The following ANO3 variants were observed in gnomAD, a reference collection of about 807,000 sequenced individuals.
ANO3 encodes anoctamin 3.
Under a neutral mutation model 144.8 loss-of-function variants are expected in ANO3, and 99 were observed. The observed-to-expected ratio is 0.68, with a 90% CI of 0.58 to 0.81. ANO3 has a LOEUF of 0.81. Ranked by LOEUF, ANO3 falls within the 30% of genes least tolerant of loss-of-function variation. ANO3 has a pLI of 0.00. For missense variants in ANO3, 905 were observed against 1,202.2 expected (o/e 0.75, Z 3.66); for synonymous variants, 414 against 392.6 (o/e 1.05, Z -0.64).
chr11:26,444,918 C>T (rs1054774418), intron 3 of ANO3, among the ~76,000 whole-genome samples: 4 of 152,066 alleles, frequency 2.6e-5, no homozygotes, highest in African/African-American at 9.7e-5. Context: ...ATTTCATATA[C>T]AGAATCAAAA....
At chr11:26,576,529 A>G (rs925470109) in intron 14 of ANO3, among the ~76,000 whole-genome samples, 1 of 152,214 alleles carries the variant, frequency 6.6e-6, no homozygotes, top group Non-Finnish European at 1.5e-5. Flanking sequence ...TATTAATTTC[A>G]TGAAAAATGA....
At chr11:26,506,525 C>T (rs116868626) in intron 4 of ANO3, among the ~76,000 whole-genome samples, 3,360 of 152,322 alleles carry the variant, frequency 0.022, 62 homozygotes, top group Non-Finnish European at 0.035. Context: ...CTACAAGGCC[C>T]TGGTGGCTTC....
In ANO3 at chr11:26,444,750, G is replaced by A. The variant is rs997283555; in HGVS notation, c.313+914G>A. On this transcript the variant is annotated intron_variant, in intron 3 of 26. Coordinates refer to ENST00000256737, the MANE Select transcript of ANO3 (RefSeq NM_031418.4). ...CTCTACAGGCATTGTTAAATCACTC[G>A]TCATAACTTTTAAAACTATGAATTT... Among the ~76,000 whole-genome samples the A allele has an allele frequency of 5.3e-5, 8 of 152,234 alleles. No individual in the cohort carries two copies. The East Asian group carries it at 1.4e-3, about 26-fold the overall frequency.
At chr11:26,221,127 A>G (rs1852134912) in intron 1 of ANO3, among the ~76,000 whole-genome samples, 1 of 152,214 alleles carries the variant, frequency 6.6e-6, no homozygotes, top group Non-Finnish European at 1.5e-5. Context: ...TTGCCATATG[A>G]ACACCTCTCC....
At chr11:26,542,840 T>A (rs200862188) in intron 11 of ANO3, among the ~76,000 whole-genome samples, 4 of 116,954 alleles carry the variant, frequency 3.4e-5, no homozygotes, top group African/African-American at 1.2e-4. Context: ...TTAACTATAT[T>A]TATAGAATGA....
At chr11:26,585,679 G>A (rs1851254876) in intron 14 of ANO3, among the ~76,000 whole-genome samples, 1 of 152,112 alleles carries the variant, frequency 6.6e-6, no homozygotes, top group Non-Finnish European at 1.5e-5. Flanking sequence ...CCTATTTCAT[G>A]TCTATCCAGG....
At chr11:26,463,945 TA>T (rs977403653) in intron 4 of ANO3, among the ~76,000 whole-genome samples, 10 of 151,794 alleles carry the variant, frequency 6.6e-5, no homozygotes, top group Admixed American at 5.3e-4. Context: ...AATGCCTTTG[TA>T]AAAAAGATAG....
At chr11:26,262,147 C>A (rs1346005945) in intron 1 of ANO3, among the ~76,000 whole-genome samples, 1 of 152,134 alleles carries the variant, frequency 6.6e-6, no homozygotes, top group Non-Finnish European at 1.5e-5. Context: ...TGACATTGCC[C>A]AGCTTACGTT....
At chr11:26,629,194 A>G (rs983571652) in intron 18 of ANO3, among the ~76,000 whole-genome samples, 1 of 152,134 alleles carries the variant, frequency 6.6e-6, no homozygotes, top group African/African-American at 2.4e-5. Context: ...TGGGTAAAGC[A>G]ACTGAATAGC....
intron 5 of ANO3, among the ~76,000 whole-genome samples, chr11:26,513,732 G>C (rs1861755266): frequency 6.6e-6 from 1 of 152,044 alleles, no homozygotes. Context: ...TTCAAATCCT[G>C]CAGGGAACCA....
At chr11:26,236,535 T>C (rs1274591404) in intron 1 of ANO3, among the ~76,000 whole-genome samples, 1 of 152,088 alleles carries the variant, frequency 6.6e-6, no homozygotes, top group Non-Finnish European at 1.5e-5. Context: ...AATCTAAAAA[T>C]CGGCCGGGGG....
chr11:26,268,847 A>G (rs754679187), intron 1 of ANO3, among the ~76,000 whole-genome samples: 5 of 152,214 alleles, frequency 3.3e-5, no homozygotes, highest in Non-Finnish European at 7.3e-5. Flanking sequence ...AGAAGGCAGT[A>G]AGAATAAGCC....
chr11:26,332,129 T>C (rs373784428), upstream of ANO3: 23 of 1,510,102 alleles, frequency 1.5e-5, no homozygotes, highest in East Asian at 1.9e-4. Flanking sequence ...GCGCGTAGCC[T>C]GGAGAGCGAA....
intron 1 of ANO3, among the ~76,000 whole-genome samples, chr11:26,326,872 T>C (rs1374471372): frequency 6.6e-6 from 1 of 152,164 alleles, no homozygotes; most frequent in Non-Finnish European, 1.5e-5. Flanking sequence ...CAAAATAAGG[T>C]AAAGTTGTTG....
intron 1 of ANO3, among the ~76,000 whole-genome samples, chr11:26,333,657 G>C (rs1302486026): frequency 6.6e-6 from 1 of 152,166 alleles, no homozygotes; most frequent in Non-Finnish European, 1.5e-5. Context: ...TCCTGCGTAA[G>C]ACAGAATATG....
chr11:26,238,927 A>G (rs1852593896), intron 1 of ANO3, among the ~76,000 whole-genome samples: 1 of 151,720 alleles, frequency 6.6e-6, no homozygotes, highest in Non-Finnish European at 1.5e-5. Flanking sequence ...AAGTTTTGCT[A>G]GCTAGAGATA....
At chr11:26,356,964 A>G (rs924549125) in intron 1 of ANO3, among the ~76,000 whole-genome samples, 1 of 152,198 alleles carries the variant, frequency 6.6e-6, no homozygotes, top group African/African-American at 2.4e-5. Flanking sequence ...TGGCCTACTC[A>G]TATATCTAGG....
At chr11:26,637,806 A>G (rs557118375) in intron 20 of ANO3, among the ~76,000 whole-genome samples, 1 of 152,236 alleles carries the variant, frequency 6.6e-6, no homozygotes, top group South Asian at 2.1e-4. Flanking sequence ...AAGTTCCACT[A>G]GTACCAATTT....
chr11:26,640,374 A>T (rs868457150), intron 21 of ANO3, among the ~76,000 whole-genome samples: 1 of 152,192 alleles, frequency 6.6e-6, no homozygotes, highest in Non-Finnish European at 1.5e-5. Context: ...AATTTAAGCA[A>T]ATCTCTCCTA....
Sources: gnomAD v4.1 joint callset for allele counts (sites outside exome capture counted in the v4.1 genomes callset) on GRCh38, gnomAD v4.1.1 for gene constraint, MANE v1.5 for transcripts, NCBI Gene and HGNC (gene_info 2026-07-23, HGNC 2026-07-21) for gene names.